POLR2F: variants seen among roughly 807,000 people sequenced by gnomAD.
POLR2F encodes DNA-directed RNA polymerases I, II, and III subunit RPABC2.
POLR2F carries 12 observed loss-of-function variants against 22.7 expected under a neutral mutation model. The ratio of observed to expected loss-of-function variants is 0.53; its 90% CI spans 0.34 to 0.86. The LOEUF (loss-of-function observed/expected upper bound fraction) is 0.86, where lower values mean the gene tolerates loss of function less well. POLR2F is among the 40% of genes least tolerant of loss of function. The pLI, the probability that POLR2F is intolerant of heterozygous loss-of-function variation, is 0.02. For synonymous variants in POLR2F, 57 were observed against 66.0 expected (o/e 0.86, Z 0.66); for missense variants, 126 against 171.5 (o/e 0.73, Z 1.48).
At chr22:38,014,561 C>T (rs111382727) in intron 1 of POLR2F, among the ~76,000 whole-genome samples, 3,169 of 149,038 alleles carry the variant, frequency 0.021, 115 homozygotes, top group African/African-American at 0.075. Context: ...GGCACGATCT[C>T]GGCTCACTGT....
At chr22:37,998,994 G>A (rs898814266) in intron 1 of POLR2F, among the ~76,000 whole-genome samples, 8 of 151,468 alleles carry the variant, frequency 5.3e-5, no homozygotes, top group Non-Finnish European at 8.8e-5. Flanking sequence ...ATGCGCCCCC[G>A]TCCCTACACA....
In POLR2F at chr22:37,978,256, C is replaced by G. The variant is rs532240787; in HGVS notation, c.293+11086C>G. ...GATGTGAGGCCCTGGGATGGGGCACCCAGAGGACAGGACCCGGGGTGGGGG... is the reference window on the plus strand; with the variant it reads ...GATGTGAGGCCCTGGGATGGGGCACGCAGAGGACAGGACCCGGGGTGGGGG... On this transcript the variant is annotated intron_variant, in intron 4 of 4. Transcript: ENST00000405557. The surrounding 1 kb of genome is among the most constrained non-coding windows in gnomAD (Gnocchi z 5.0). The G allele has an allele frequency of 5.9e-4, 659 of 1,118,268 alleles. 10 individuals carry two copies. In the South Asian group the frequency reaches 0.011, roughly 18 times the overall value. 69.3% of individuals were successfully genotyped at this position (1,118,268 alleles called of 1,614,324 possible).
chr22:38,020,516 G>A (rs1043036436), intron 1 of POLR2F, among the ~76,000 whole-genome samples: 4 of 149,594 alleles, frequency 2.7e-5, no homozygotes, highest in Non-Finnish European at 5.9e-5. Context: ...TGGTCCTGCC[G>A]GCCTCGGCCT....
At chr22:37,990,926 A>T (rs867033265) in intron 1 of POLR2F, among the ~76,000 whole-genome samples, 2 of 152,248 alleles carry the variant, frequency 1.3e-5, no homozygotes, top group South Asian at 2.1e-4. Flanking sequence ...GGTGTTCCTC[A>T]GGACACTGAT....
At chr22:37,983,789 CCCCCGGCCGCCGCCGCCGCCG>C (rs973593729), upstream of POLR2F, 19 of 1,430,922 alleles carry the variant, frequency 1.3e-5, no homozygotes, top group African/African-American at 6.0e-5. This position sits in a 1 kb window ranked among gnomAD's most constrained non-coding sequence, Gnocchi z 9.5. Context: ...CGCCATGTCG[CCCCCGGCCGCCGCCGCCGCCG>C]CCTCGGCCGC....
chr22:37,967,946 C>T lies in POLR2F; in HGVS notation c.*231C>T. 6.7e-6 allele frequency: 8 copies of T among 1,193,500 alleles called. No homozygotes were observed. The highest frequency in any genetic ancestry group is 8.3e-6 in the Non-Finnish European group (8 of 960,650). 73.9% of individuals were successfully genotyped at this position (1,193,500 alleles called of 1,614,324 possible). The stretch of plus-strand genomic sequence containing the variant: ...CAGGGGCCCTTAGCCCCTTTGGATC[C>T]CCCACATCCTTCCCTCCATCTCCCT... On this transcript the variant is annotated 3_prime_UTR_variant, in exon 5 of 5. Coordinates refer to ENST00000442738, the MANE Select transcript of POLR2F (RefSeq NM_021974.5).
chr22:38,020,840 T>C (rs1057155887), intron 1 of POLR2F, among the ~76,000 whole-genome samples: 1 of 152,164 alleles, frequency 6.6e-6, no homozygotes, highest in African/African-American at 2.4e-5. Context: ...ATGGTTTTCT[T>C]GGTTCTTCTG....
In POLR2F at chr22:37,986,580, C is replaced by T; in HGVS notation, c.120+268C>T. 1 of 745,696 alleles carries T rather than the reference C, an allele frequency of 1.3e-6. No individual in the cohort carries two copies. Among genetic ancestry groups the T allele is most frequent in the South Asian group, 1.5e-5 (1 of 67,618 alleles). 46.2% of individuals were successfully genotyped at this position (745,696 alleles called of 1,614,324 possible). A position where few individuals can be genotyped will look rare whatever the true frequency, so the allele number is the denominator to read the frequency against. On this transcript the variant is annotated intron_variant, in intron 1 of 2. Coordinates refer to the POLR2F transcript ENST00000333418. This position sits in a 1 kb window ranked among gnomAD's most constrained non-coding sequence, Gnocchi z 4.7. ...GTGGGCACGCTCTGTCTGCAGGAAGCCACGCTAGACAGAAGGGGCCACTCC... is the reference window on the plus strand; with the variant it reads ...GTGGGCACGCTCTGTCTGCAGGAAGTCACGCTAGACAGAAGGGGCCACTCC...
upstream of POLR2F, chr22:37,984,417 G>A (rs1156670773): frequency 6.6e-6 from 1 of 152,586 alleles, no homozygotes; most frequent in Non-Finnish European, 1.5e-5. The surrounding 1 kb of genome is among the most constrained non-coding windows in gnomAD (Gnocchi z 4.4). Context: ...GGTCCAGCTC[G>A]GGGCTGGGAG....
chr22:37,968,448 C>T lies in POLR2F; in HGVS notation c.*733C>T. 1.0e-6 allele frequency: 1 copy of T among 985,948 alleles called. No homozygotes were observed. Among genetic ancestry groups the T allele is most frequent in the Non-Finnish European group, 1.2e-6 (1 of 830,264 alleles). The allele number at this position is 985,948 out of a possible 1,614,324, so 61.1% of individuals were successfully genotyped here. A position where few individuals can be genotyped will look rare whatever the true frequency, so the allele number is the denominator to read the frequency against. On this transcript the variant is annotated 3_prime_UTR_variant, in exon 5 of 5. Coordinates refer to ENST00000442738, the MANE Select transcript of POLR2F (RefSeq NM_021974.5). Reference sequence around the variant, plus strand: ...AGCCTCTATAAGATATCCTTTCCCTCCTATTTGGGGCTGGTGATCCCCTGA... The same window carrying T: ...AGCCTCTATAAGATATCCTTTCCCTTCTATTTGGGGCTGGTGATCCCCTGA...
At chr22:37,954,922 C>T (rs1366630892) in intron 1 of POLR2F, among the ~76,000 whole-genome samples, 1 of 151,948 alleles carries the variant, frequency 6.6e-6, no homozygotes, top group African/African-American at 2.4e-5. Flanking sequence ...GGTGAGGTGT[C>T]CTTGGAGTCA....
intron 1 of POLR2F, among the ~76,000 whole-genome samples, chr22:38,000,346 G>A (rs1272002191): frequency 1.3e-5 from 2 of 152,226 alleles, no homozygotes; most frequent in Non-Finnish European, 2.9e-5. Context: ...AAACAGAGTT[G>A]GCAGGCTCTT....
chr22:38,031,220 C>T (rs1024930176), downstream of POLR2F, among the ~76,000 whole-genome samples: 2 of 152,116 alleles, frequency 1.3e-5, no homozygotes. The surrounding 1 kb of genome is among the most constrained non-coding windows in gnomAD (Gnocchi z 4.1). Flanking sequence ...GGACAATCTG[C>T]TTCATCTTTT....
intron 1 of POLR2F, chr22:38,025,557 C>T: frequency 6.8e-7 from 1 of 1,480,680 alleles, no homozygotes; most frequent in South Asian, 1.5e-5. Flanking sequence ...CCACGCCCTT[C>T]TCCCATCTCT....
At chr22:37,975,773 C>T (rs995862443) in intron 4 of POLR2F, among the ~76,000 whole-genome samples, 2 of 152,070 alleles carry the variant, frequency 1.3e-5, no homozygotes, top group East Asian at 1.9e-4. Flanking sequence ...AGAGATTGTA[C>T]CAAGCAGCCC....
intron 3 of POLR2F, among the ~76,000 whole-genome samples, chr22:37,964,852 C>T (rs182098371): frequency 3.0e-4 from 46 of 151,850 alleles, no homozygotes; most frequent in Non-Finnish European, 5.4e-4. Flanking sequence ...GGATTACAGG[C>T]GTGAGCCACT....
At chr22:37,988,341 A>G (rs557995273) in intron 1 of POLR2F, 1 of 148,792 alleles carries the variant, frequency 6.7e-6, no homozygotes, top group South Asian at 2.1e-4. Flanking sequence ...AAAAAAAAAA[A>G]AAAAAAGAAA....
At position 38,016,128 on chromosome 22, in the gene POLR2F, T is replaced by C. The variant is rs1023068963; in HGVS notation, c.121-9741T>C. 1.3e-5 allele frequency among the ~76,000 whole-genome samples: 2 copies of C among 152,170 alleles called. No individual in the cohort carries two copies. Among genetic ancestry groups the C allele is most frequent in the African/African-American group, 2.4e-5 (1 of 41,438 alleles). ...TTAGGGGTTATGTCTTGCTCAGCCTTACACCCCCTGCGTCTGGCCAGGGAC... is the reference window on the plus strand; with the variant it reads ...TTAGGGGTTATGTCTTGCTCAGCCTCACACCCCCTGCGTCTGGCCAGGGAC... On this transcript the variant is annotated intron_variant, in intron 1 of 2. Transcript: ENST00000333418. The surrounding 1 kb of genome is among the most constrained non-coding windows in gnomAD (Gnocchi z 4.4).
At chr22:37,994,545 GTCTC>G (rs1237124242) in intron 1 of POLR2F, among the ~76,000 whole-genome samples, 1 of 152,076 alleles carries the variant, frequency 6.6e-6, no homozygotes, top group Non-Finnish European at 1.5e-5. Context: ...TTGAGACGGA[GTCTC>G]TCTCTGTCGC....
Sources: gnomAD v4.1 joint callset for allele counts (sites outside exome capture counted in the v4.1 genomes callset) on GRCh38, gnomAD v4.1.1 for gene constraint, Gnocchi (gnomAD v3.1) non-coding constraint, MANE v1.5 for transcripts, NCBI Gene and HGNC (gene_info 2026-07-23, HGNC 2026-07-21) for gene names.